The following KDM6B variants were observed in gnomAD, a reference collection of about 807,000 sequenced individuals.
The protein encoded by KDM6B is lysine demethylase 6B.
Under a neutral mutation model 150.4 loss-of-function variants are expected in KDM6B, and 22 were observed. The ratio of observed to expected loss-of-function variants is 0.15; its 90% CI spans 0.10 to 0.21. KDM6B has a LOEUF of 0.21. Among genes scored for constraint, KDM6B ranks in the 10% least tolerant of loss-of-function variants. The pLI, the probability that KDM6B is intolerant of heterozygous loss-of-function variation, is 1.00. For synonymous variants in KDM6B, 1,148 were observed against 921.1 expected (o/e 1.25, Z -4.46); for missense variants, 1,984 against 2,234.3 (o/e 0.89, Z 2.26).
Position 7,848,233 on chromosome 17 carries a change from C to G in KDM6B, c.1945C>G (p.Leu649Val). The change falls in exon 12 of 24, where the codon CTG becomes GTG. Residue 649 changes from leucine to valine, a missense_variant. This residue lies in a region of KDM6B where 1,379 missense variants were observed against 1,275.6 expected (regional missense o/e 1.08). Coordinates refer to ENST00000448097, the MANE Select transcript of KDM6B (RefSeq NM_001348716.2). ...GGGGCCGGGGCCACCCCCAGGCCCC[C>G]TGAGTAAAGCCCCCCAGCCTGTGCC... ...EVGPGPPPGP[L>V]SKAPQPVPPG... 1 of 1,611,868 alleles carries G rather than the reference C, an allele frequency of 6.2e-7. No homozygotes were observed. The highest frequency in any genetic ancestry group is 8.5e-7 in the Non-Finnish European group (1 of 1,179,290).
intron 2 of KDM6B, among the ~76,000 whole-genome samples, chr17:7,841,767 G>T (rs534908795): frequency 6.6e-6 from 1 of 152,334 alleles, no homozygotes; most frequent in South Asian, 2.1e-4. Flanking sequence ...GGCCGGCACC[G>T]TCACTCCTCG....
At chr17:7,839,620 C>T (rs1256357249) in intron 1 of KDM6B, among the ~76,000 whole-genome samples, 8 of 152,084 alleles carry the variant, frequency 5.3e-5, no homozygotes, top group Non-Finnish European at 8.8e-5. Flanking sequence ...GCCAGGGAGT[C>T]TCAGCAGGAG....
chr17:7,837,696 C>A (rs992122668), intron 1 of KDM6B, among the ~76,000 whole-genome samples: 1 of 152,264 alleles, frequency 6.6e-6, no homozygotes, highest in Middle Eastern at 3.4e-3. Flanking sequence ...TTGAAGGCCG[C>A]TGGGAGGAAA....
rs1402814519 is a variant in KDM6B, at chr17:7,843,749, A to G, written c.-268-1152A>G. On this transcript the variant is annotated intron_variant, in intron 2 of 23. Transcript: ENST00000448097. The surrounding 1 kb of genome is among the most constrained non-coding windows in gnomAD (Gnocchi z 4.5). ...CTGCTCTTTGTACTCTAGACTCTCA[A>G]TGGACCGATCCCGGGAGCCGAGTCG... 6.6e-6 allele frequency among the ~76,000 whole-genome samples: 1 copy of G among 151,758 alleles called. No individual in the cohort carries two copies. Among genetic ancestry groups the G allele is most frequent in the Non-Finnish European group, 1.5e-5 (1 of 67,918 alleles).
At position 7,846,930 on chromosome 17, in the gene KDM6B, C is replaced by G. The variant is rs1597837926; in HGVS notation, c.823C>G (p.Gln275Glu). Reference protein sequence around the residue: ...LPGLATSPPFQLTKPGLWSTL... With the variant: ...LPGLATSPPFELTKPGLWSTL... ...TGGCCTGGCTACCAGCCCCCCATTT[C>G]AGCTAACCAAGCCAGGGCTGTGGAG... is the stretch of plus-strand genomic sequence containing the variant. Residue 275 changes from glutamine to glutamate, a missense_variant, in exon 10 of 24, where the codon CAG becomes GAG. Around this residue, in one of 13 missense-constraint regions of KDM6B, gnomAD observed 1,379 missense variants for 1,275.6 expected, o/e 1.08. Transcript: ENST00000448097. 8 of 1,596,858 alleles carry G rather than the reference C, an allele frequency of 5.0e-6. No individual in the cohort carries two copies. Among genetic ancestry groups the G allele is most frequent in the Non-Finnish European group, 6.8e-6 (8 of 1,172,672 alleles).
intron 2 of KDM6B, among the ~76,000 whole-genome samples, chr17:7,842,481 GT>G (rs979675466): frequency 1.3e-5 from 2 of 152,246 alleles, no homozygotes; most frequent in African/African-American, 4.8e-5. Flanking sequence ...GAGTCTGTGG[GT>G]GTCAGTCTTT....
chr17:7,845,627 G>T lies in KDM6B; in HGVS notation c.73G>T (p.Ala25Ser). 1 of 1,614,182 alleles carries T rather than the reference G, an allele frequency of 6.2e-7. No individual in the cohort carries two copies. Among genetic ancestry groups the T allele is most frequent in the South Asian group, 1.1e-5 (1 of 91,090 alleles). ...EAFALGGLSC[A>S]GAWSSCPPHP... ...CTTTGCCCTTGGGGGCCTGAGCTGT[G>T]CTGGGGCCTGGAGCTCCTGCCCGCC... The change falls in exon 5 of 24, where the codon GCT becomes TCT. Residue 25 changes from alanine to serine, a missense_variant. By Grantham distance (99) the Ala-to-Ser change is moderately conservative. This residue lies in a region of KDM6B where 337 missense variants were observed against 323.9 expected (regional missense o/e 1.04). Transcript: ENST00000448097.
At chr17:7,853,424 G>A in intron 23 of KDM6B, 44 bp downstream of exon 23, 1 of 1,531,794 alleles carries the variant, frequency 6.5e-7, no homozygotes, top group Non-Finnish European at 8.7e-7. Flanking sequence ...AGGGCACTGG[G>A]GCAGGCTGCA....
intron 2 of KDM6B, among the ~76,000 whole-genome samples, chr17:7,841,041 C>T (rs1450053800): frequency 6.6e-6 from 1 of 152,214 alleles, no homozygotes; most frequent in African/African-American, 2.4e-5. Context: ...CTAGCTCTTT[C>T]ATTCTTCACT....
In KDM6B at chr17:7,836,577, A is replaced by T. The variant is rs564277409; in HGVS notation, c.-388+2227A>T. The stretch of plus-strand genomic sequence containing the variant: ...CACCGAGATCTCGCCCAGGAGAGAG[A>T]AGGCACAGTATCTCCGAGGGGCGTG... On this transcript the variant is annotated intron_variant, in intron 1 of 23. Transcript: ENST00000448097. Among the ~76,000 whole-genome samples, 6 of 152,190 alleles carry T rather than the reference A, an allele frequency of 3.9e-5. No individual in the cohort carries two copies. The South Asian group carries it at 1.2e-3, about 32-fold the overall frequency.
intron 1 of KDM6B, among the ~76,000 whole-genome samples, chr17:7,837,100 G>A (rs959814508): frequency 6.6e-6 from 1 of 152,178 alleles, no homozygotes; most frequent in African/African-American, 2.4e-5. Context: ...GGCTGAGGGA[G>A]CCTTGGGTCA....
Position 7,843,802 on chromosome 17 carries a change from G to T in KDM6B, c.-268-1099G>T, listed in dbSNP as rs1429739912. Reference sequence around the variant, plus strand: ...TCCCTACCTGCGGGGACGCCGGGTAGGCAAGGAGGAGGCGCGGGGACGCAG... The same window carrying T: ...TCCCTACCTGCGGGGACGCCGGGTATGCAAGGAGGAGGCGCGGGGACGCAG... On this transcript the variant is annotated intron_variant, in intron 2 of 23. Transcript: ENST00000448097. The surrounding 1 kb of genome is among the most constrained non-coding windows in gnomAD (Gnocchi z 4.5). Among the ~76,000 whole-genome samples, 3 of 152,148 alleles carry T rather than the reference G, an allele frequency of 2.0e-5. No homozygotes were observed. The highest frequency in any genetic ancestry group is 4.4e-5 in the Non-Finnish European group (3 of 68,010).
chr17:7,836,989 C>T (rs887924342), intron 1 of KDM6B, among the ~76,000 whole-genome samples: 2 of 152,188 alleles, frequency 1.3e-5, no homozygotes, highest in Admixed American at 6.5e-5. Context: ...CTCTCCCTTC[C>T]CGTGGTCTTA....
chr17:7,848,830 C>T lies in KDM6B; in HGVS notation c.2542C>T (p.Leu848=). 6.2e-7 allele frequency: 1 copy of T among 1,612,592 alleles called. No individual in the cohort carries two copies. The highest frequency in any genetic ancestry group is 8.5e-7 in the Non-Finnish European group (1 of 1,179,890). The change falls in exon 12 of 24, where the codon CTG becomes TTG. Residue 848 remains leucine, a synonymous_variant. Coordinates refer to ENST00000448097, the MANE Select transcript of KDM6B (RefSeq NM_001348716.2). ...TGGCCCCCCATCAGGTGCTACCGCC[C>T]TGCCGCCCACCTCAGCGGCCCCTAG... The part of the protein sequence containing the change: ...SPGPPSGATA[L]PPTSAAPSAQ...
At chr17:7,841,539 C>G (rs2078413985) in intron 2 of KDM6B, among the ~76,000 whole-genome samples, 1 of 152,186 alleles carries the variant, frequency 6.6e-6, no homozygotes, top group Non-Finnish European at 1.5e-5. Flanking sequence ...GCTAGGCAGA[C>G]ACACAGACAG....
chr17:7,834,932 G>C (rs1457987238), intron 1 of KDM6B, among the ~76,000 whole-genome samples: 1 of 150,974 alleles, frequency 6.6e-6, no homozygotes. Flanking sequence ...CTCATCCCTA[G>C]TCCTTCTCCC....
Position 7,845,622 on chromosome 17 carries a change from G to A in KDM6B, c.68G>A (p.Ser23Asn). The A allele has an allele frequency of 6.2e-7, 1 of 1,614,190 alleles. No homozygotes were observed. Among genetic ancestry groups the A allele is most frequent in the Non-Finnish European group, 8.5e-7 (1 of 1,180,038 alleles). Residue 23 changes from serine (S) to asparagine (N), a missense_variant, in exon 5 of 24, where the codon AGC becomes AAC. Ser to Asn is a conservative substitution (Grantham distance 46). Around this residue, in one of 13 missense-constraint regions of KDM6B, gnomAD observed 337 missense variants for 323.9 expected, o/e 1.04. Transcript: ENST00000448097. ...GAAGCCTTTGCCCTTGGGGGCCTGAGCTGTGCTGGGGCCTGGAGCTCCTGC... is the reference window on the plus strand; with the variant it reads ...GAAGCCTTTGCCCTTGGGGGCCTGAACTGTGCTGGGGCCTGGAGCTCCTGC... ...AREAFALGGLSCAGAWSSCPP... is the reference protein window; with the variant it reads ...AREAFALGGLNCAGAWSSCPP...
rs1186232175 is a variant in KDM6B, at chr17:7,849,861, T to G, written c.3481T>G (p.Ser1161Ala). The change falls in exon 13 of 24, where the codon TCC (serine) becomes GCC (alanine). Residue 1161 changes from serine (S) to alanine (A), a missense_variant. Ser to Ala is a moderately conservative substitution (Grantham distance 99). Around this residue, in one of 13 missense-constraint regions of KDM6B, gnomAD observed 1,379 missense variants for 1,275.6 expected, o/e 1.08. Coordinates refer to ENST00000448097, the MANE Select transcript of KDM6B (RefSeq NM_001348716.2). The stretch of plus-strand genomic sequence containing the variant: ...AGGGAAGTTTCGAGAGTCCTACCTT[T>G]CCCCTGCCCAGTCTGTGAAACCGAA... ...VKGKFRESYL[S>A]PAQSVKPKIN... The G allele has an allele frequency of 6.2e-7, 1 of 1,613,096 alleles. No homozygotes were observed. The highest frequency in any genetic ancestry group is 8.5e-7 in the Non-Finnish European group (1 of 1,180,002).
Position 7,849,409 on chromosome 17 carries a change from G to T in KDM6B, c.3121G>T (p.Ala1041Ser). 6.2e-7 allele frequency: 1 copy of T among 1,611,658 alleles called. No individual in the cohort carries two copies. ...GAAGTCCCGGCCCGATCTTGGCGGGGCCTCCAAGGCCAAGCCACCCACAGC... is the reference window on the plus strand; with the variant it reads ...GAAGTCCCGGCCCGATCTTGGCGGGTCCTCCAAGGCCAAGCCACCCACAGC... ...REKSRPDLGG[A>S]SKAKPPTAPA... The change falls in exon 12 of 24, where the codon GCC (alanine) becomes TCC (serine). Residue 1041 changes from alanine to serine, a missense_variant. Transcript: ENST00000448097.
Sources: allele counts gnomAD v4.1 joint callset (sites outside exome capture counted in the v4.1 genomes callset), GRCh38; gene constraint gnomAD v4.1.1; regional missense constraint gnomAD v4.1.1; non-coding constraint Gnocchi (gnomAD v3.1); transcripts MANE v1.5; gene names NCBI Gene and HGNC (gene_info 2026-07-23, HGNC 2026-07-21).